MTMR3: variants seen among roughly 807,000 people sequenced by gnomAD.
The protein encoded by MTMR3 is phosphatidylinositol-3,5-bisphosphate 3-phosphatase MTMR3.
In MTMR3, 32 loss-of-function variants were observed where a neutral mutation model predicts 132.4. The observed-to-expected ratio is 0.24, with a 90% CI of 0.18 to 0.32. MTMR3 has a LOEUF of 0.32. MTMR3 is among the 10% of genes least tolerant of loss of function. The pLI is 1.00. For synonymous variants in MTMR3, 556 were observed against 550.3 expected (o/e 1.01, Z -0.14); for missense variants, 1,216 against 1,489.6 (o/e 0.82, Z 3.02).
chr22:29,924,283 T>A (rs1386889173), intron 1 of MTMR3, among the ~76,000 whole-genome samples: 1 of 152,252 alleles, frequency 6.6e-6, no homozygotes, highest in Non-Finnish European at 1.5e-5. Flanking sequence ...TGCTTATGGA[T>A]ATCCAGTTTT....
chr22:29,956,490 G>A lies in MTMR3; in HGVS notation c.-137-546G>A, dbSNP rs147908148. 3.0e-3 allele frequency among the ~76,000 whole-genome samples: 448 copies of A among 151,544 alleles called. 3 individuals carry two copies. The highest frequency in any genetic ancestry group is 0.01 in the Middle Eastern group (3 of 290). On this transcript the variant is annotated intron_variant, in intron 1 of 19. Transcript: ENST00000401950. ...TCTAACTCCTGACCTCAAGTGATCC[G>A]CCTGCCTTGGCCTCCCAAAGTGCTG...
rs1338611802 is a variant in MTMR3 at position 30,028,105 on chromosome 22, G to A, written c.*2304G>A. On this transcript the variant is annotated 3_prime_UTR_variant, in exon 20 of 20. Transcript: ENST00000401950. ...GCTAAAAGAGGGCAAAGCAGTCAGG[G>A]ATCTGACCTGGCAGCTATTCCTCCT... The A allele has an allele frequency of 1.3e-5, 2 of 152,372 alleles. No homozygotes were observed. Among genetic ancestry groups the A allele is most frequent in the Non-Finnish European group, 2.9e-5 (2 of 68,058 alleles). The allele number at this position is 152,372 out of a possible 1,614,324, so 9.4% of individuals were successfully genotyped here. A position where few individuals can be genotyped will look rare whatever the true frequency, so the allele number is the denominator to read the frequency against.
At chr22:29,952,220 T>TC (rs1303845445) in intron 1 of MTMR3, among the ~76,000 whole-genome samples, 5 of 152,118 alleles carry the variant, frequency 3.3e-5, no homozygotes, top group South Asian at 2.1e-4. Flanking sequence ...TAGATTTTTT[T>TC]CCCCCTCGGG....
In MTMR3 at chr22:29,963,414, T is replaced by C. The variant is rs550820866; in HGVS notation, c.-85+6326T>C. Among the ~76,000 whole-genome samples, 638 of 145,102 alleles carry C rather than the reference T, an allele frequency of 4.4e-3. 5 individuals carry two copies. Among genetic ancestry groups the C allele is most frequent in the African/African-American group, 0.015 (600 of 38,766 alleles). ...TTCCTTTTTTTTTTTTTTTTTGAGA[T>C]GAGTCTTGCTCTGTCACCAGGCTGG... On this transcript the variant is annotated intron_variant, in intron 2 of 19. Transcript: ENST00000401950.
At chr22:29,916,571 T>TC (rs1404649525) in intron 1 of MTMR3, among the ~76,000 whole-genome samples, 1 of 152,190 alleles carries the variant, frequency 6.6e-6, no homozygotes, top group Non-Finnish European at 1.5e-5. Context: ...TTCGGTGCTA[T>TC]TGTTCAGCAT....
intron 6 of MTMR3, 31 bp downstream of exon 6, chr22:29,988,593 T>C (rs1194308370): frequency 2.0e-6 from 3 of 1,514,454 alleles, no homozygotes; most frequent in Non-Finnish European, 2.7e-6. Context: ...GTGTTGCTGT[T>C]TAGTGTGGAA....
At chr22:29,951,707 C>T (rs1351400658) in intron 1 of MTMR3, among the ~76,000 whole-genome samples, 1 of 152,066 alleles carries the variant, frequency 6.6e-6, no homozygotes, top group African/African-American at 2.4e-5. Context: ...GAACCTTTCC[C>T]ACATTAAAAA....
At chr22:29,942,724 A>C (rs1231431381) in intron 1 of MTMR3, among the ~76,000 whole-genome samples, 1 of 152,218 alleles carries the variant, frequency 6.6e-6, no homozygotes, top group African/African-American at 2.4e-5. Context: ...TTGAAAGAAA[A>C]ATATGGCTCT....
intron 2 of MTMR3, among the ~76,000 whole-genome samples, chr22:29,961,021 A>G (rs1474843440): frequency 6.6e-6 from 1 of 152,212 alleles, no homozygotes; most frequent in African/African-American, 2.4e-5. Context: ...ATGTATAAAC[A>G]TACTTTGGAA....
chr22:29,944,210 A>G (rs2065912084), intron 1 of MTMR3, among the ~76,000 whole-genome samples: 1 of 151,768 alleles, frequency 6.6e-6, no homozygotes, highest in African/African-American at 2.4e-5. Flanking sequence ...AGACATTAAT[A>G]TCTTTTAGAT....
intron 12 of MTMR3, chr22:30,010,592 C>G (rs1042565203): frequency 2.6e-5 from 4 of 152,194 alleles, no homozygotes; most frequent in Non-Finnish European, 5.9e-5. Flanking sequence ...TGGGGAGTCT[C>G]TCAGCAGCCC....
chr22:29,945,138 A>G (rs916632665), intron 1 of MTMR3, among the ~76,000 whole-genome samples: 3 of 151,986 alleles, frequency 2.0e-5, no homozygotes, highest in Non-Finnish European at 4.4e-5. Context: ...TCAGCCTTCT[A>G]AGTAGCTGGG....
rs2067936846 is a variant in MTMR3 at position 30,027,621 on chromosome 22, T to C, written c.*1820T>C. On this transcript the variant is annotated 3_prime_UTR_variant, in exon 20 of 20. Transcript: ENST00000401950. ...GGTTTCTTGGGTCTGATGTACAGTG[T>C]GAATAAATGCTTGCAGCTCTTAGCT... 1 of 152,798 alleles carries C rather than the reference T, an allele frequency of 6.5e-6. No individual in the cohort carries two copies. The highest frequency in any genetic ancestry group is 2.4e-5 in the African/African-American group (1 of 41,446). 9.5% of individuals were successfully genotyped at this position (152,798 alleles called of 1,614,324 possible).
intron 1 of MTMR3, among the ~76,000 whole-genome samples, chr22:29,920,980 G>C (rs1380104100): frequency 6.9e-6 from 1 of 144,062 alleles, no homozygotes; most frequent in East Asian, 2.0e-4. Flanking sequence ...TTAGGGGGTG[G>C]TGGGGGTGGC....
chr22:29,967,434 G>A (rs2066450295), intron 2 of MTMR3, among the ~76,000 whole-genome samples: 1 of 149,108 alleles, frequency 6.7e-6, no homozygotes, highest in Non-Finnish European at 1.5e-5. Flanking sequence ...GTCTTGCTAT[G>A]TTGCCCAGGC....
At chr22:29,912,542 C>G (rs2065234297) in intron 1 of MTMR3, among the ~76,000 whole-genome samples, 1 of 152,210 alleles carries the variant, frequency 6.6e-6, no homozygotes, top group Non-Finnish European at 1.5e-5. Flanking sequence ...TCCCAAAGTG[C>G]TAGGAGGATT....
At chr22:29,993,349 A>C (rs768056737) in intron 7 of MTMR3, 11 of 152,074 alleles carry the variant, frequency 7.2e-5, no homozygotes, top group Non-Finnish European at 1.5e-4. Context: ...TCTTAAAGAG[A>C]AAGTTTACAA....
chr22:30,020,637 G>T lies in MTMR3; in HGVS notation c.2978G>T (p.Trp993Leu). 6.2e-7 allele frequency: 1 copy of T among 1,614,180 alleles called. No individual in the cohort carries two copies. The highest frequency in any genetic ancestry group is 8.5e-7 in the Non-Finnish European group (1 of 1,180,026). ...CACTCAAGGAACTTGCACCACAAGTGGCTGCATAGCCACTCAGGAAGGCCA... is the reference window on the plus strand; with the variant it reads ...CACTCAAGGAACTTGCACCACAAGTTGCTGCATAGCCACTCAGGAAGGCCA... ...HLHSRNLHHK[W>L]LHSHSGRPSA... Residue 993 changes from tryptophan (W) to leucine (L), a missense_variant, in exon 17 of 20, where the codon TGG becomes TTG. Coordinates refer to ENST00000401950, the MANE Select transcript of MTMR3 (RefSeq NM_021090.4).
chr22:29,963,353 G>T (rs746309790), intron 2 of MTMR3, among the ~76,000 whole-genome samples: 1 of 151,326 alleles, frequency 6.6e-6, no homozygotes, highest in East Asian at 1.9e-4. Context: ...AAAGTGTTGG[G>T]ATTATAGGCA....
Sources: gnomAD v4.1 joint callset for allele counts (sites outside exome capture counted in the v4.1 genomes callset) on GRCh38, gnomAD v4.1.1 for gene constraint, MANE v1.5 for transcripts, NCBI Gene and HGNC (gene_info 2026-07-23, HGNC 2026-07-21) for gene names.